KCNH1: variants seen among roughly 807,000 people sequenced by gnomAD.
KCNH1 encodes the protein potassium voltage-gated channel subfamily H member 1, also known as voltage-gated delayed rectifier potassium channel KCNH1.
A neutral mutation model predicts 69.2 loss-of-function variants in KCNH1; 27 were observed. The observed-to-expected ratio is 0.39, with a 90% confidence interval of 0.29 to 0.54. The LOEUF is 0.54. Among genes scored for constraint, KCNH1 ranks in the 20% least tolerant of loss-of-function variants. The pLI is 0.68. For synonymous variants in KCNH1, 456 were observed against 487.7 expected (o/e 0.93, Z 0.86); for missense variants, 798 against 1,261.6 (o/e 0.63, Z 5.57).
intron 6 of KCNH1, among the ~76,000 whole-genome samples, chr1:210,990,816 T>G (rs191821210): frequency 3.9e-5 from 6 of 152,326 alleles, no homozygotes; most frequent in Non-Finnish European, 7.3e-5. Flanking sequence ...TTCATCCATT[T>G]TGATTATAAG....
chr1:210,688,978 A>C (rs1378302666), intron 10 of KCNH1, among the ~76,000 whole-genome samples: 1 of 152,220 alleles, frequency 6.6e-6, no homozygotes, highest in African/African-American at 2.4e-5. Context: ...CCACAGGGGC[A>C]TATATTTTTC....
intron 10 of KCNH1, among the ~76,000 whole-genome samples, chr1:210,710,446 G>A (rs759436543): frequency 2.5e-4 from 38 of 152,080 alleles, no homozygotes; most frequent in Non-Finnish European, 4.7e-4. Context: ...GATATACGAA[G>A]AGATGTGCAT....
chr1:210,853,946 CAAAA>C lies in KCNH1; in HGVS notation c.1463-49784_1463-49781del, dbSNP rs11445997. ...TAGCAGTAAAAGCATTTATCTAAGC[CAAAA>C]AAAAAAAAAAAAAAAAAAGAAACCA... is the stretch of plus-strand genomic sequence containing the variant. On this transcript the variant is annotated intron_variant, in intron 7 of 10. Coordinates refer to ENST00000271751, the MANE Select transcript of KCNH1 (RefSeq NM_172362.3). Among the ~76,000 whole-genome samples, 34 of 61,534 alleles carry C rather than the reference CAAAA, an allele frequency of 5.5e-4. 1 individual carries two copies. The highest frequency in any genetic ancestry group is 1.8e-3 in the East Asian group (4 of 2,196). The allele number at this position is 61,534 out of a possible 152,430, so 40.4% of individuals were successfully genotyped here.
At chr1:210,699,583 A>C (rs1001842208) in intron 10 of KCNH1, among the ~76,000 whole-genome samples, 1 of 152,204 alleles carries the variant, frequency 6.6e-6, no homozygotes, top group Non-Finnish European at 1.5e-5. Flanking sequence ...AGCTGGACAG[A>C]AGGTGGCTGA....
intron 9 of KCNH1, among the ~76,000 whole-genome samples, chr1:210,783,499 T>C (rs968855684): frequency 2.0e-5 from 3 of 152,214 alleles, no homozygotes; most frequent in East Asian, 1.9e-4. Flanking sequence ...CAGGTAAGTG[T>C]GGCCATCTGT....
At chr1:210,942,195 T>C (rs554126482) in intron 6 of KCNH1, among the ~76,000 whole-genome samples, 10 of 152,242 alleles carry the variant, frequency 6.6e-5, no homozygotes, top group African/African-American at 2.4e-4. Flanking sequence ...ACCAAAACTT[T>C]TGAGAATAAG....
chr1:211,051,253 C>T (rs1690200293), intron 5 of KCNH1, among the ~76,000 whole-genome samples: 1 of 152,148 alleles, frequency 6.6e-6, no homozygotes, highest in African/African-American at 2.4e-5. Context: ...CCACCTCGGC[C>T]TCCCAAAGTT....
chr1:210,706,309 G>T (rs1394730678), intron 10 of KCNH1, among the ~76,000 whole-genome samples: 1 of 152,240 alleles, frequency 6.6e-6, no homozygotes, highest in Non-Finnish European at 1.5e-5. Context: ...CAGAGGGCTT[G>T]CTGTGCCCCT....
At chr1:211,050,989 T>TTTGTTGTTG (rs6143600) in intron 5 of KCNH1, among the ~76,000 whole-genome samples, 11,783 of 150,458 alleles carry the variant, frequency 0.078, 554 homozygotes, top group African/African-American at 0.11. Flanking sequence ...ATATTTTTGT[T>TTTGTTGTTG]TTGTTGTTGT....
In KCNH1 at chr1:210,788,685, C is replaced by CTTTT. The variant is rs139485350; in HGVS notation, c.1915+8819_1915+8822dup. ...AGATTATTCATATTATAGCTTCTTTCTTTTTTTTTTTTTTTTTTTTTTTTT... is the reference window on the plus strand; with the variant it reads ...AGATTATTCATATTATAGCTTCTTTCTTTTTTTTTTTTTTTTTTTTTTTTTTTTT... On this transcript the variant is annotated intron_variant, in intron 9 of 10. Transcript: ENST00000271751. Among the ~76,000 whole-genome samples, 320 of 80,740 alleles carry CTTTT rather than the reference C, an allele frequency of 4.0e-3. 3 individuals carry two copies. The highest frequency in any genetic ancestry group is 9.5e-3 in the East Asian group (24 of 2,532). 53.0% of individuals were successfully genotyped at this position (80,740 alleles called of 152,430 possible). A position where few individuals can be genotyped will look rare whatever the true frequency, so the allele number is the denominator to read the frequency against.
intron 7 of KCNH1, among the ~76,000 whole-genome samples, chr1:210,905,943 C>T (rs917898974): frequency 1.3e-5 from 2 of 152,176 alleles, no homozygotes; most frequent in African/African-American, 4.8e-5. Context: ...CTTCCTAAAT[C>T]AAATCCACTT....
At chr1:211,098,388 G>A (rs1240265246) in intron 3 of KCNH1, among the ~76,000 whole-genome samples, 3 of 150,876 alleles carry the variant, frequency 2.0e-5, no homozygotes, top group Non-Finnish European at 4.4e-5. Context: ...GTAACAATAC[G>A]AAATATACAG....
chr1:211,081,124 A>T (rs527329876), intron 5 of KCNH1, among the ~76,000 whole-genome samples: 2 of 152,376 alleles, frequency 1.3e-5, no homozygotes, highest in South Asian at 4.1e-4. Flanking sequence ...TTTACAAGAA[A>T]AAAACAAACA....
intron 1 of KCNH1, among the ~76,000 whole-genome samples, chr1:211,126,285 C>G (rs748961010): frequency 6.6e-6 from 1 of 152,032 alleles, no homozygotes; most frequent in East Asian, 1.9e-4. Flanking sequence ...CTGAGGCGGG[C>G]GGATCACAAG....
At chr1:211,075,243 C>A (rs1690712843) in intron 5 of KCNH1, among the ~76,000 whole-genome samples, 1 of 152,218 alleles carries the variant, frequency 6.6e-6, no homozygotes. Flanking sequence ...CTACCATCAT[C>A]CAAATATCTG....
Position 211,103,578 on chromosome 1 carries a change from A to T in KCNH1, c.228T>A (p.Asp76Glu). The change falls in exon 3 of 11, where the codon GAT becomes GAA. Residue 76 changes from aspartate to glutamate, a missense_variant. Physicochemically the swap from Asp to Glu is conservative, Grantham distance 45. Around this residue, in one of 4 missense-constraint regions of KCNH1, gnomAD observed 266 missense variants for 457.2 expected, o/e 0.58. Coordinates refer to ENST00000271751, the MANE Select transcript of KCNH1 (RefSeq NM_172362.3). ...GCCGCACTTTTTCAATCGTGTCTTT[A>T]TCAGTCAGCTCCCCATACATAAAAC... ...TCSFMYGELTDKDTIEKVRQT... is the reference protein window; with the variant it reads ...TCSFMYGELTEKDTIEKVRQT... The T allele has an allele frequency of 6.2e-7, 1 of 1,612,872 alleles. No individual in the cohort carries two copies. Among genetic ancestry groups the T allele is most frequent in the Non-Finnish European group, 8.5e-7 (1 of 1,179,374 alleles).
chr1:210,688,189 T>C (rs1242503146), intron 10 of KCNH1, among the ~76,000 whole-genome samples: 1 of 152,226 alleles, frequency 6.6e-6, no homozygotes, highest in Non-Finnish European at 1.5e-5. Context: ...TCCACTCTTT[T>C]GAATGAAAGA....
At chr1:210,959,921 C>A (rs1482175540) in intron 6 of KCNH1, among the ~76,000 whole-genome samples, 1 of 152,188 alleles carries the variant, frequency 6.6e-6, no homozygotes, top group East Asian at 1.9e-4. Flanking sequence ...TACCCACTGT[C>A]CAACCAGTCC....
chr1:211,117,003 A>G (rs1228395354), intron 1 of KCNH1, among the ~76,000 whole-genome samples: 1 of 152,226 alleles, frequency 6.6e-6, no homozygotes, highest in Non-Finnish European at 1.5e-5. Context: ...GCACATTAAT[A>G]AGAATCAAAC....
Sources: allele counts gnomAD v4.1 joint callset (sites outside exome capture counted in the v4.1 genomes callset), GRCh38; gene constraint gnomAD v4.1.1; regional missense constraint gnomAD v4.1.1; transcripts MANE v1.5; gene names NCBI Gene and HGNC (gene_info 2026-07-23, HGNC 2026-07-21).